The following NAPB variants were observed in gnomAD, a reference collection of about 807,000 sequenced individuals.
NAPB encodes NSF attachment protein beta.
NAPB carries 26 observed loss-of-function variants against 44.7 expected under a neutral mutation model. The observed-to-expected ratio is 0.58, with a 90% CI of 0.43 to 0.81. The LOEUF is 0.81. Ranked by LOEUF, NAPB falls within the 30% of genes least tolerant of loss-of-function variation. NAPB has a pLI of 0.00. For synonymous variants in NAPB, 120 were observed against 116.8 expected, an observed-to-expected ratio of 1.03 and a Z score of -0.18; for missense variants, 315 against 356.4, an observed-to-expected ratio of 0.88 and a Z score of 0.94.
At chr20:23,406,340 TG>T (rs2123233739) in intron 1 of NAPB, among the ~76,000 whole-genome samples, 1 of 152,290 alleles carries the variant, frequency 6.6e-6, no homozygotes, top group Non-Finnish European at 1.5e-5. Context: ...GGTTTCTTTC[TG>T]GGGTGATGAA....
In NAPB at chr20:23,392,359, C is replaced by T. The variant is rs6048776; in HGVS notation, c.421-2095G>A. On this transcript the variant is annotated intron_variant, in intron 5 of 10. Coordinates refer to ENST00000377026, the MANE Select transcript of NAPB (RefSeq NM_022080.3). ...TAGTACACCTGTTCTTTTATAGCTGCATTTTAAAATTCAGTATTCCGTGAA... is the reference window on the plus strand; with the variant it reads ...TAGTACACCTGTTCTTTTATAGCTGTATTTTAAAATTCAGTATTCCGTGAA... Among the ~76,000 whole-genome samples, 977 of 152,260 alleles carry T rather than the reference C, an allele frequency of 6.4e-3. 10 individuals carry two copies. Among genetic ancestry groups the T allele is most frequent in the African/African-American group, 0.022 (899 of 41,550 alleles).
chr20:23,384,328 G>A (rs1048414965), intron 7 of NAPB, among the ~76,000 whole-genome samples: 5 of 152,190 alleles, frequency 3.3e-5, no homozygotes, highest in East Asian at 3.9e-4. Context: ...TTGGGGGACC[G>A]AGGTGGGCAG....
chr20:23,387,603 TAA>T (rs1053733552), intron 7 of NAPB, among the ~76,000 whole-genome samples: 1 of 151,966 alleles, frequency 6.6e-6, no homozygotes, highest in South Asian at 2.1e-4. Flanking sequence ...TTAACAATCT[TAA>T]AAGGAAATTA....
At position 23,374,553 on chromosome 20, in the gene NAPB, A is replaced by G. The variant is rs1336649407; in HGVS notation, c.*2823T>C. The G allele has an allele frequency of 6.6e-6, 1 of 152,218 alleles. No individual in the cohort carries two copies. Among genetic ancestry groups the G allele is most frequent in the Non-Finnish European group, 1.5e-5 (1 of 68,042 alleles). 9.4% of individuals were successfully genotyped at this position (152,218 alleles called of 1,614,324 possible). A position where few individuals can be genotyped will look rare whatever the true frequency, so the allele number is the denominator to read the frequency against. On this transcript the variant is annotated 3_prime_UTR_variant, in exon 11 of 11. Transcript: ENST00000377026. ...TGCTAAGGTAGATTTATTGTTACAC[A>G]TGGTTAGTTTTCATAACGTAATCCC...
intron 7 of NAPB, among the ~76,000 whole-genome samples, chr20:23,381,663 T>C (rs550126544): frequency 6.6e-6 from 1 of 152,108 alleles, no homozygotes; most frequent in Non-Finnish European, 1.5e-5. Flanking sequence ...TTCCCTCAGT[T>C]TTCTTTTCCC....
At chr20:23,391,662 G>A (rs1423004693) in intron 5 of NAPB, among the ~76,000 whole-genome samples, 1 of 152,154 alleles carries the variant, frequency 6.6e-6, no homozygotes, top group Non-Finnish European at 1.5e-5. Context: ...CATAAAAGCA[G>A]CCATACACAA....
chr20:23,415,922 C>T (rs192306567), intron 1 of NAPB, among the ~76,000 whole-genome samples: 1 of 151,910 alleles, frequency 6.6e-6, no homozygotes, highest in African/African-American at 2.4e-5. Context: ...GCAGATATCT[C>T]GCCACTGCCT....
chr20:23,421,220 G>A, intron 1 of NAPB, 85 bp downstream of exon 1: 1 of 1,198,200 alleles, frequency 8.3e-7, no homozygotes, highest in Non-Finnish European at 1.2e-6. Context: ...GAGGTTGCGT[G>A]GGGGACTCGG....
In NAPB at chr20:23,390,267, G is replaced by C; in HGVS notation, c.421-3C>G. ...GATTGTTCATAATGTGCAATAGCCT[G>C]AAAACATACATATTTTATTCACACA... On this transcript the variant is annotated splice_polypyrimidine_tract_variant and splice_region_variant and intron_variant, in intron 5 of 10. Coordinates refer to ENST00000377026, the MANE Select transcript of NAPB (RefSeq NM_022080.3). The C allele has an allele frequency of 6.2e-7, 1 of 1,606,180 alleles. No individual in the cohort carries two copies. Among genetic ancestry groups the C allele is most frequent in the East Asian group, 2.2e-5 (1 of 44,838 alleles).
chr20:23,401,920 ATAAG>A lies in NAPB; in HGVS notation c.178+1069_178+1072del, dbSNP rs770847526. ...ATAAACAAATTAAGTAAGTAAATAA[ATAAG>A]TAAGTAAGTGATCTCTTCAGGTAAG... On this transcript the variant is annotated intron_variant, in intron 2 of 10. Transcript: ENST00000377026. 1.6e-3 allele frequency among the ~76,000 whole-genome samples: 243 copies of A among 152,310 alleles called. 1 individual carries two copies. The highest frequency in any genetic ancestry group is 3.3e-3 in the South Asian group (16 of 4,826).
At chr20:23,408,683 T>C (rs1269409146) in intron 1 of NAPB, among the ~76,000 whole-genome samples, 1 of 152,216 alleles carries the variant, frequency 6.6e-6, no homozygotes, top group African/African-American at 2.4e-5. Context: ...TTTTATGTGA[T>C]GCAAAAGTAG....
chr20:23,401,660 C>A (rs1467960673), intron 2 of NAPB, among the ~76,000 whole-genome samples: 1 of 152,150 alleles, frequency 6.6e-6, no homozygotes, highest in Non-Finnish European at 1.5e-5. Flanking sequence ...GTGGGTGGAT[C>A]GCCTGAGCTC....
chr20:23,389,609 C>CT (rs1799894685), intron 7 of NAPB, among the ~76,000 whole-genome samples: 1 of 152,138 alleles, frequency 6.6e-6, no homozygotes. Flanking sequence ...AAACAATACA[C>CT]TAAGTGAAAG....
chr20:23,403,008 C>G lies in NAPB; in HGVS notation c.163G>C (p.Ala55Pro). ...TTGTACATACCACTCCAATTTTTAGCCATCTTGAACATATTTGCAGCTCTG... is the reference window on the plus strand; with the variant it reads ...TTGTACATACCACTCCAATTTTTAGGCATCTTGAACATATTTGCAGCTCTG... ...YTRAANMFKM[A>P]KNWSAAGNAF... The change falls in exon 2 of 11, where the codon GCT (alanine) becomes CCT (proline). Residue 55 changes from alanine to proline, a missense_variant. Ala to Pro is a conservative substitution (Grantham distance 27). Transcript: ENST00000377026. The G allele has an allele frequency of 6.2e-7, 1 of 1,613,378 alleles. No individual in the cohort carries two copies. Among genetic ancestry groups the G allele is most frequent in the South Asian group, 1.1e-5 (1 of 90,958 alleles).
intron 1 of NAPB, among the ~76,000 whole-genome samples, chr20:23,408,217 G>C (rs1008055088): frequency 6.6e-6 from 1 of 152,230 alleles, no homozygotes; most frequent in South Asian, 2.1e-4. Flanking sequence ...GACTTGCCCA[G>C]TGTGGGGAGC....
chr20:23,380,007 C>T (rs1014112995), intron 8 of NAPB, 72 bp from the exon 9 acceptor site: 1 of 1,209,288 alleles, frequency 8.3e-7, no homozygotes, highest in Non-Finnish European at 1.2e-6. Context: ...CTATCAGCTT[C>T]AAATAAGATC....
rs571892454 is a variant in NAPB, at chr20:23,380,340, T to C, written c.667-405A>G. Among the ~76,000 whole-genome samples the C allele has an allele frequency of 2.2e-4, 33 of 152,274 alleles. No individual in the cohort carries two copies. In the South Asian group the frequency reaches 2.7e-3, roughly 12 times the overall value. On this transcript the variant is annotated intron_variant, in intron 8 of 10. Coordinates refer to ENST00000377026, the MANE Select transcript of NAPB (RefSeq NM_022080.3). ...CTGGCTTTAGTTCTGCTCTTCCAAC[T>C]CCAGACACTGGCCATGCCAAGGCTG...
At chr20:23,411,255 T>TCCTA (rs1985635644) in intron 1 of NAPB, among the ~76,000 whole-genome samples, 1 of 152,198 alleles carries the variant, frequency 6.6e-6, no homozygotes, top group African/African-American at 2.4e-5. Context: ...GTGAAACATA[T>TCCTA]CCTAGTAAGA....
At chr20:23,407,458 G>T (rs1023463299) in intron 1 of NAPB, among the ~76,000 whole-genome samples, 1 of 150,684 alleles carries the variant, frequency 6.6e-6, no homozygotes, top group African/African-American at 2.5e-5. Context: ...CTATTTTTTT[G>T]TATTACAGGA....
Sources: gnomAD v4.1 joint callset for allele counts (sites outside exome capture counted in the v4.1 genomes callset) on GRCh38, gnomAD v4.1.1 for gene constraint, MANE v1.5 for transcripts, NCBI Gene and HGNC (gene_info 2026-07-23, HGNC 2026-07-21) for gene names.